The following DGAT2 variants were observed in gnomAD, a reference collection of about 807,000 sequenced individuals.
DGAT2 encodes acyl-CoA retinol O-fatty-acyltransferase.
A neutral mutation model predicts 48.4 loss-of-function variants in DGAT2; 33 were observed. The ratio of observed to expected loss-of-function variants is 0.68; its 90% CI spans 0.52 to 0.91. The LOEUF (loss-of-function observed/expected upper bound fraction) is 0.91, where lower values mean the gene tolerates loss of function less well. Ranked by LOEUF, DGAT2 falls within the 40% of genes least tolerant of loss-of-function variation. DGAT2 has a pLI of 0.00. For synonymous variants in DGAT2, 191 were observed against 194.1 expected (o/e 0.98, Z 0.13); for missense variants, 446 against 493.7 (o/e 0.90, Z 0.92).
chr11:75,787,666 A>C (rs1259226349), intron 2 of DGAT2, among the ~76,000 whole-genome samples: 1 of 152,164 alleles, frequency 6.6e-6, no homozygotes, highest in East Asian at 1.9e-4. Flanking sequence ...TCAGAGGACA[A>C]GGATTAGGCT....
rs984257872 is a variant in DGAT2, at chr11:75,785,880, C to T, written c.250+1134C>T. ...CAAATTCACAAAGGTTCATCAACTA[C>T]CTGCTACTGTGAAGCTCATTAAATG... On this transcript the variant is annotated intron_variant, in intron 2 of 7. Transcript: ENST00000228027. Among the ~76,000 whole-genome samples the T allele has an allele frequency of 2.0e-5, 3 of 152,226 alleles. No individual in the cohort carries two copies. The South Asian group carries it at 6.2e-4, about 31-fold the overall frequency.
intron 2 of DGAT2, among the ~76,000 whole-genome samples, chr11:75,787,245 A>C (rs922391468): frequency 1.3e-5 from 2 of 152,242 alleles, no homozygotes; most frequent in African/African-American, 4.8e-5. Flanking sequence ...ATCCAAGTCC[A>C]TGGATATTGT....
chr11:75,793,307 A>G (rs1945011523), intron 4 of DGAT2: 1 of 152,198 alleles, frequency 6.6e-6, no homozygotes, highest in South Asian at 2.1e-4. Flanking sequence ...AGCTGGTCAG[A>G]TGCCTACATT....
chr11:75,785,441 A>G (rs772290848), intron 2 of DGAT2, among the ~76,000 whole-genome samples: 2 of 152,190 alleles, frequency 1.3e-5, no homozygotes, highest in East Asian at 1.9e-4. Context: ...GCTCCCTGCT[A>G]TCTCTCAGCA....
rs766238005 is a variant in DGAT2, at chr11:75,797,245, C to A, written c.722C>A (p.Ala241Glu). ...GCTATCATCATCGTGGTCGGGGGTG[C>A]GGCTGAGTCTCTGAGCTCCATGCCT... ...GNAIIIVVGG[A>E]AESLSSMPGK... is the part of the protein sequence containing the mutation. The change falls in exon 6 of 8, where the codon GCG (alanine) becomes GAG (glutamate). Residue 241 changes from alanine (A) to glutamate (E), a missense_variant. Coordinates refer to ENST00000228027, the MANE Select transcript of DGAT2 (RefSeq NM_032564.5). 1.3e-6 allele frequency: 2 copies of A among 1,580,780 alleles called. No individual in the cohort carries two copies. Among genetic ancestry groups the A allele is most frequent in the South Asian group, 1.2e-5 (1 of 86,836 alleles).
Position 75,797,155 on chromosome 11 carries a change from C to A in DGAT2, c.635-3C>A. ...TGACTGTTGCGTCCTTCCCTCCCCT[C>A]AGGTATCTGCCCTGTCAGCCGGGAC... On this transcript the variant is annotated splice_polypyrimidine_tract_variant and splice_region_variant and intron_variant, in intron 5 of 7. Transcript: ENST00000228027. 6.8e-7 allele frequency: 1 copy of A among 1,479,332 alleles called. No individual in the cohort carries two copies. The highest frequency in any genetic ancestry group is 9.0e-7 in the Non-Finnish European group (1 of 1,108,342). The allele number at this position is 1,479,332 out of a possible 1,614,324, so 91.6% of individuals were successfully genotyped here. A position where few individuals can be genotyped will look rare whatever the true frequency, so the allele number is the denominator to read the frequency against.
At chr11:75,790,858 C>A in intron 4 of DGAT2, 127 bp downstream of exon 4, 1 of 929,994 alleles carries the variant, frequency 1.1e-6, no homozygotes, top group Non-Finnish European at 1.7e-6. Context: ...TCTACTGTGT[C>A]ACTGGCTGTG....
intron 3 of DGAT2, 95 bp downstream of exon 3, chr11:75,790,390 T>C (rs1185491000): frequency 9.1e-7 from 1 of 1,097,630 alleles, no homozygotes; most frequent in Non-Finnish European, 1.4e-6. Flanking sequence ...CTGTTTCTTT[T>C]AACACCCACT....
intron 1 of DGAT2, chr11:75,773,929 T>A (rs1262095647): frequency 6.6e-6 from 1 of 152,206 alleles, no homozygotes; most frequent in Non-Finnish European, 1.5e-5. Context: ...GGCAAGAACA[T>A]TCAGGTACAG....
intron 7 of DGAT2, 47 bp downstream of exon 7, chr11:75,798,476 C>G: frequency 1.3e-6 from 2 of 1,593,860 alleles, no homozygotes; most frequent in Non-Finnish European, 1.7e-6. Context: ...ACACAGGGTG[C>G]CATACAGCTA....
In DGAT2 at chr11:75,769,132, G is replaced by A. The variant is rs778858661; in HGVS notation, c.121+20G>A. 1.9e-6 allele frequency: 3 copies of A among 1,540,462 alleles called. No individual in the cohort carries two copies. The highest frequency in any genetic ancestry group is 2.6e-5 in the East Asian group (1 of 39,038). On this transcript the variant is annotated intron_variant, in intron 1 of 7. Transcript: ENST00000228027. ...GATGGGGTGAGTGCCACGGCGCAGG[G>A]GTTATGGACCTGCGAGAAGATTTTC...
At chr11:75,774,785 A>G (rs1313489871) in intron 1 of DGAT2, among the ~76,000 whole-genome samples, 1 of 152,146 alleles carries the variant, frequency 6.6e-6, no homozygotes, top group Non-Finnish European at 1.5e-5. Flanking sequence ...ATGGGGACGT[A>G]TTTTGGAGAT....
rs1009121332 is a variant in DGAT2, at chr11:75,797,277, A to G, written c.754A>G (p.Asn252Asp). The change falls in exon 6 of 8, where the codon AAT becomes GAT. Residue 252 changes from asparagine (N) to aspartate (D), a missense_variant. By Grantham distance (23) the Asn-to-Asp change is conservative. Coordinates refer to ENST00000228027, the MANE Select transcript of DGAT2 (RefSeq NM_032564.5). The part of the protein sequence containing the change: ...AESLSSMPGK[N>D]AVTLRNRKGF... ...GTCTCTGAGCTCCATGCCTGGCAAGAATGCAGTCACCCTGCGGAACCGCAA... is the reference window on the plus strand; with the variant it reads ...GTCTCTGAGCTCCATGCCTGGCAAGGATGCAGTCACCCTGCGGAACCGCAA... 1 of 1,574,220 alleles carries G rather than the reference A, an allele frequency of 6.4e-7. No individual in the cohort carries two copies.
At chr11:75,780,258 G>A (rs57628734) in intron 1 of DGAT2, among the ~76,000 whole-genome samples, 86 of 152,324 alleles carry the variant, frequency 5.6e-4, no homozygotes, top group African/African-American at 1.9e-3. Flanking sequence ...ACTCCTCCCA[G>A]CCACAGCTGG....
At position 75,789,633 on chromosome 11, in the gene DGAT2, G is replaced by C. The variant is rs1291020367; in HGVS notation, c.251-555G>C. 4.6e-5 allele frequency among the ~76,000 whole-genome samples: 7 copies of C among 152,326 alleles called. No homozygotes were observed. In the East Asian group the frequency reaches 1.3e-3, roughly 29 times the overall value. Reference sequence around the variant, plus strand: ...AGCCTAATACAGAGAACGGACTGTAGAGTCAGACCTGTGTTTGAATCCTGG... The same window carrying C: ...AGCCTAATACAGAGAACGGACTGTACAGTCAGACCTGTGTTTGAATCCTGG... On this transcript the variant is annotated intron_variant, in intron 2 of 7. Coordinates refer to ENST00000228027, the MANE Select transcript of DGAT2 (RefSeq NM_032564.5).
chr11:75,785,532 G>A (rs977730069), intron 2 of DGAT2, among the ~76,000 whole-genome samples: 4 of 152,228 alleles, frequency 2.6e-5, no homozygotes, highest in Admixed American at 2.6e-4. Context: ...TCCAGGCCAG[G>A]GGCAGGACAA....
chr11:75,777,364 G>T (rs1400071180), intron 1 of DGAT2, among the ~76,000 whole-genome samples: 1 of 152,174 alleles, frequency 6.6e-6, no homozygotes, highest in East Asian at 1.9e-4. Flanking sequence ...GCCAGGGTTT[G>T]AATCCTAAGT....
chr11:75,798,208 C>A lies in DGAT2; in HGVS notation c.810-19C>A, dbSNP rs535279407. On this transcript the variant is annotated intron_variant, in intron 6 of 7. Transcript: ENST00000228027. ...AGCCAGTAAGTAGGGTATGACAGAC[C>A]CTGGCCTCTCCCTTCCAGAGCTGAC... 8.7e-6 allele frequency: 14 copies of A among 1,613,684 alleles called. No individual in the cohort carries two copies. The African/African-American group carries it at 1.6e-4, about 18-fold the overall frequency.
chr11:75,772,631 T>C (rs578176951), intron 1 of DGAT2, among the ~76,000 whole-genome samples: 1 of 152,152 alleles, frequency 6.6e-6, no homozygotes, highest in Non-Finnish European at 1.5e-5. Flanking sequence ...ATAGCCTTTA[T>C]CACTACCTAA....
Sources: gnomAD v4.1 joint callset for allele counts (sites outside exome capture counted in the v4.1 genomes callset) on GRCh38, gnomAD v4.1.1 for gene constraint, MANE v1.5 for transcripts, NCBI Gene and HGNC (gene_info 2026-07-23, HGNC 2026-07-21) for gene names.